Variants in EYA3 observed in about 807,000 individuals in gnomAD.
The protein encoded by EYA3 is EYA transcriptional coactivator and phosphatase 3, also known as protein phosphatase EYA3.
A neutral mutation model predicts 80.0 loss-of-function variants in EYA3; 39 were observed. The ratio of observed to expected loss-of-function variants is 0.49; its 90% CI spans 0.38 to 0.64. The LOEUF (loss-of-function observed/expected upper bound fraction) is 0.64. EYA3 is among the 30% of genes least tolerant of loss of function. The pLI is 0.00. For missense variants in EYA3, 523 were observed against 676.1 expected, an observed-to-expected ratio of 0.77 and a Z score of 2.51; for synonymous variants, 206 against 232.8, an observed-to-expected ratio of 0.88 and a Z score of 1.05.
At chr1:28,079,783 C>T (rs1236261839) in intron 1 of EYA3, among the ~76,000 whole-genome samples, 1 of 151,850 alleles carries the variant, frequency 6.6e-6, no homozygotes, top group Non-Finnish European at 1.5e-5. Flanking sequence ...AACTAGCAAA[C>T]CTAAACATTT....
intron 1 of EYA3, among the ~76,000 whole-genome samples, chr1:28,083,829 C>T (rs1408735157): frequency 6.6e-5 from 10 of 152,144 alleles, no homozygotes; most frequent in Admixed American, 6.5e-4. Flanking sequence ...TTTAAGTGTA[C>T]ATATCAGCCT....
At position 28,080,781 on chromosome 1, in the gene EYA3, G is replaced by A. The variant is rs560422324; in HGVS notation, c.-69+7743C>T. ...TTTGTTTGTTTTGAGACGGAGTTTCGCTCTTGTTGCCCAGGCTGGAGTGCA... is the reference window on the plus strand; with the variant it reads ...TTTGTTTGTTTTGAGACGGAGTTTCACTCTTGTTGCCCAGGCTGGAGTGCA... On this transcript the variant is annotated intron_variant, in intron 1 of 17. Coordinates refer to ENST00000373871, the MANE Select transcript of EYA3 (RefSeq NM_001990.4). Among the ~76,000 whole-genome samples, 9 of 152,090 alleles carry A rather than the reference G, an allele frequency of 5.9e-5. No individual in the cohort carries two copies. The South Asian group carries it at 8.3e-4, about 14-fold the overall frequency.
intron 11 of EYA3, among the ~76,000 whole-genome samples, chr1:28,003,815 C>T (rs1641071817): frequency 1.3e-5 from 2 of 152,072 alleles, no homozygotes; most frequent in Admixed American, 1.3e-4. Flanking sequence ...ACAGCCCATC[C>T]TTCTGTTAAA....
intron 13 of EYA3, among the ~76,000 whole-genome samples, chr1:27,995,896 G>C (rs1384212083): frequency 6.6e-6 from 1 of 152,024 alleles, no homozygotes; most frequent in African/African-American, 2.4e-5. Context: ...TTTTTAAGAC[G>C]GAGTCTCACT....
At chr1:28,025,042 T>G (rs1195002473) in intron 7 of EYA3, among the ~76,000 whole-genome samples, 2 of 152,116 alleles carry the variant, frequency 1.3e-5, no homozygotes, top group African/African-American at 4.8e-5. Flanking sequence ...TGGGTAGTTA[T>G]GCAGGGGGAA....
chr1:28,035,265 T>C (rs1643381732), intron 6 of EYA3, among the ~76,000 whole-genome samples: 1 of 152,192 alleles, frequency 6.6e-6, no homozygotes, highest in African/African-American at 2.4e-5. Context: ...TACTACATTG[T>C]ATATAAAGTA....
chr1:28,073,525 C>T (rs545174192), intron 1 of EYA3, among the ~76,000 whole-genome samples: 1 of 152,006 alleles, frequency 6.6e-6, no homozygotes, highest in Admixed American at 6.6e-5. Context: ...GTCCTGAACT[C>T]CTGACCTCAA....
At chr1:28,041,773 G>A (rs1259857893) in intron 4 of EYA3, among the ~76,000 whole-genome samples, 1 of 152,070 alleles carries the variant, frequency 6.6e-6, no homozygotes, top group Non-Finnish European at 1.5e-5. Context: ...GACTCCCAAA[G>A]TGTTGGGATT....
At chr1:28,059,533 T>C (rs552033625) in intron 1 of EYA3, among the ~76,000 whole-genome samples, 21 of 152,330 alleles carry the variant, frequency 1.4e-4, no homozygotes, top group Non-Finnish European at 2.6e-4. Flanking sequence ...TCAAACATTT[T>C]TGGTTTTACT....
chr1:28,056,512 T>C (rs1644443853), intron 2 of EYA3, among the ~76,000 whole-genome samples: 1 of 152,234 alleles, frequency 6.6e-6, no homozygotes, highest in Non-Finnish European at 1.5e-5. Flanking sequence ...TCTCTCCATG[T>C]CGTCATTCAA....
At chr1:27,976,894 T>G (rs985637177) in intron 17 of EYA3, 12 of 374,230 alleles carry the variant, frequency 3.2e-5, no homozygotes, top group Non-Finnish European at 4.4e-5. Flanking sequence ...ATTTTTATAT[T>G]TTTAGTAGAG....
At chr1:28,031,838 T>A (rs977151568) in intron 6 of EYA3, 2 of 152,224 alleles carry the variant, frequency 1.3e-5, no homozygotes, top group Admixed American at 6.5e-5. Context: ...AACAGCCACT[T>A]TTTTTGCTTC....
chr1:28,076,194 T>C (rs760513757), intron 1 of EYA3, among the ~76,000 whole-genome samples: 1 of 152,166 alleles, frequency 6.6e-6, no homozygotes, highest in Non-Finnish European at 1.5e-5. Context: ...CATAAATAAA[T>C]AGTGCAGCCA....
At chr1:28,039,971 C>T (rs959748763) in intron 4 of EYA3, among the ~76,000 whole-genome samples, 15 of 152,120 alleles carry the variant, frequency 9.9e-5, no homozygotes, top group African/African-American at 3.4e-4. Context: ...TATTAAAAAA[C>T]CCAAACCCTT....
At chr1:28,082,083 T>C (rs559510001) in intron 1 of EYA3, among the ~76,000 whole-genome samples, 1 of 152,224 alleles carries the variant, frequency 6.6e-6, no homozygotes, top group Admixed American at 6.5e-5. Context: ...ATAACAATAC[T>C]TTCCCACCAA....
chr1:28,037,272 T>C lies in EYA3; in HGVS notation c.224+1567A>G, dbSNP rs924802265. On this transcript the variant is annotated intron_variant, in intron 5 of 17. Coordinates refer to ENST00000373871, the MANE Select transcript of EYA3 (RefSeq NM_001990.4). ...AGTTCAGATAAGTAATAAAGAGGTC[T>C]GAATTAAGATAGAATAATTAAGATA... Among the ~76,000 whole-genome samples the C allele has an allele frequency of 7.9e-5, 12 of 152,238 alleles. No individual in the cohort carries two copies. In the South Asian group the frequency reaches 1.0e-3, roughly 13 times the overall value.
chr1:27,990,334 G>A (rs371082508), intron 14 of EYA3: 5 of 157,180 alleles, frequency 3.2e-5, no homozygotes, highest in African/African-American at 1.2e-4. Flanking sequence ...GGAAGCACTA[G>A]TTTATGAAGA....
chr1:28,050,198 TATTA>T (rs1557617303), intron 2 of EYA3, among the ~76,000 whole-genome samples: 3 of 146,932 alleles, frequency 2.0e-5, no homozygotes, highest in South Asian at 2.2e-4. Flanking sequence ...TTATTATTAT[TATTA>T]TTTTTTTTGA....
chr1:28,022,154 A>T (rs1261382616), intron 7 of EYA3, among the ~76,000 whole-genome samples: 1 of 151,794 alleles, frequency 6.6e-6, no homozygotes, highest in Non-Finnish European at 1.5e-5. Flanking sequence ...CTAATAAAAG[A>T]TTATTATTTT....
Sources: gnomAD v4.1 joint callset for allele counts (sites outside exome capture counted in the v4.1 genomes callset) on GRCh38, gnomAD v4.1.1 for gene constraint, MANE v1.5 for transcripts, NCBI Gene and HGNC (gene_info 2026-07-23, HGNC 2026-07-21) for gene names.